The following SSBP3 variants were observed in gnomAD, a reference collection of about 807,000 sequenced individuals.
SSBP3 encodes the protein single-stranded DNA-binding protein 3.
Under a neutral mutation model 69.6 loss-of-function variants are expected in SSBP3, and 5 were observed. The observed-to-expected ratio is 0.07, with a 90% confidence interval of 0.04 to 0.15. The LOEUF (loss-of-function observed/expected upper bound fraction) is 0.15, where lower values mean the gene tolerates loss of function less well. SSBP3 is among the 10% of genes least tolerant of loss of function. SSBP3 has a pLI of 1.00. For synonymous variants in SSBP3, 196 were observed against 193.4 expected (o/e 1.01, Z -0.11); for missense variants, 312 against 534.0 (o/e 0.58, Z 4.10).
At chr1:54,255,660 T>A (rs1644908543) in intron 7 of SSBP3, 1 of 152,190 alleles carries the variant, frequency 6.6e-6, no homozygotes, top group African/African-American at 2.4e-5. Context: ...GCTGGGTCTC[T>A]AATTCCTCTT....
intron 4 of SSBP3, among the ~76,000 whole-genome samples, chr1:54,339,510 G>C (rs1453288604): frequency 6.6e-6 from 1 of 152,160 alleles, no homozygotes; most frequent in Non-Finnish European, 1.5e-5. Flanking sequence ...GGCTCTTGCG[G>C]AGTTCATGAA....
intron 4 of SSBP3, among the ~76,000 whole-genome samples, chr1:54,334,068 A>G (rs1557540941): frequency 1.3e-5 from 2 of 151,932 alleles, no homozygotes; most frequent in Admixed American, 6.6e-5. Context: ...AAATAAATAA[A>G]ATAGGCCTGG....
chr1:54,272,680 C>A (rs566689106), intron 5 of SSBP3, among the ~76,000 whole-genome samples: 1 of 152,188 alleles, frequency 6.6e-6, no homozygotes, highest in Non-Finnish European at 1.5e-5. Flanking sequence ...GGAGCAGCCA[C>A]GGTACAGTGC....
At chr1:54,386,607 C>T (rs1648097542) in intron 4 of SSBP3, among the ~76,000 whole-genome samples, 1 of 151,332 alleles carries the variant, frequency 6.6e-6, no homozygotes, top group Non-Finnish European at 1.5e-5. Flanking sequence ...GGATTTGCCC[C>T]ATCTTCAAAC....
At chr1:54,406,055 C>CGCCGCT (rs2100838249) in exon 1 of SSBP3, 2 of 1,380,958 alleles carry the variant, frequency 1.4e-6, no homozygotes, top group Non-Finnish European at 1.9e-6. Context: ...CCGCCGCCGC[C>CGCCGCT]GCCGCTACCG....
At chr1:54,295,072 G>A (rs1420105403) in intron 4 of SSBP3, among the ~76,000 whole-genome samples, 1 of 152,092 alleles carries the variant, frequency 6.6e-6, no homozygotes, top group Non-Finnish European at 1.5e-5. Flanking sequence ...GCTCATGCGG[G>A]AGGAATCCAT....
rs2297028 is a variant in SSBP3, at chr1:54,241,409, C to T, written c.801+65G>A. On this transcript the variant is annotated intron_variant, in intron 12 of 17. Coordinates refer to ENST00000610401, the Ensembl canonical transcript of SSBP3. ...AAGGGAAAGAAACGGGGACCCCAGA[C>T]CAGTTCTCTTGCACACTCAGTCCCA... 357 of 1,559,020 alleles carry T rather than the reference C, an allele frequency of 2.3e-4. 2 individuals are homozygous for T. The East Asian group carries it at 7.9e-3, about 34-fold the overall frequency.
intron 4 of SSBP3, among the ~76,000 whole-genome samples, chr1:54,339,297 A>G (rs1373361367): frequency 6.6e-6 from 1 of 152,254 alleles, no homozygotes; most frequent in Non-Finnish European, 1.5e-5. Context: ...CTTATTGAGG[A>G]TAATTGATGC....
chr1:54,401,800 TAGAGA>T (rs1271186818), intron 4 of SSBP3, 56 bp downstream of exon 4: 1 of 1,430,470 alleles, frequency 7.0e-7, no homozygotes, highest in African/African-American at 1.4e-5. Flanking sequence ...CTTTTCGTAC[TAGAGA>T]AGTTAGAGCT....
At chr1:54,273,818 C>G (rs1339717288) in intron 5 of SSBP3, among the ~76,000 whole-genome samples, 2 of 152,218 alleles carry the variant, frequency 1.3e-5, no homozygotes, top group Non-Finnish European at 2.9e-5. Context: ...ATCACAGTAA[C>G]TAGAGGAGGG....
At chr1:54,261,185 G>A (rs1012527701) in intron 5 of SSBP3, among the ~76,000 whole-genome samples, 4 of 152,210 alleles carry the variant, frequency 2.6e-5, no homozygotes, top group East Asian at 1.9e-4. Flanking sequence ...CAGTCTCACG[G>A]GCAGAGATCC....
intron 4 of SSBP3, among the ~76,000 whole-genome samples, chr1:54,294,183 G>GAAAGA (rs1557504974): frequency 9.8e-6 from 1 of 101,904 alleles, no homozygotes; most frequent in Non-Finnish European, 2.0e-5. Flanking sequence ...AAGAAAGAAA[G>GAAAGA]AAAGAAAGAA....
intron 4 of SSBP3, among the ~76,000 whole-genome samples, chr1:54,384,588 A>G (rs1271808583): frequency 6.6e-6 from 1 of 152,230 alleles, no homozygotes; most frequent in Admixed American, 6.5e-5. Context: ...AAAAATAAAC[A>G]GGGTTCCCTG....
At chr1:54,337,451 G>C (rs1470122371) in intron 4 of SSBP3, among the ~76,000 whole-genome samples, 1 of 143,448 alleles carries the variant, frequency 7.0e-6, no homozygotes, top group Non-Finnish European at 1.5e-5. Context: ...GCAGCAAAAG[G>C]TTGGCTGAAC....
At position 54,286,237 on chromosome 1, in the gene SSBP3, A is replaced by G. The variant is rs1026891022; in HGVS notation, c.277-4710T>C. ...AATGCTTATCCACTTTTTGGACTCA[A>G]GAAAGCCAACTCAAACCACCCATGC... On this transcript the variant is annotated intron_variant, in intron 4 of 17. Coordinates refer to ENST00000610401, the Ensembl canonical transcript of SSBP3. 7 of 152,336 alleles carry G rather than the reference A, an allele frequency of 4.6e-5. 1 individual carries two copies. The highest frequency in any genetic ancestry group is 1.7e-4 in the African/African-American group (7 of 41,564). 9.4% of individuals were successfully genotyped at this position (152,336 alleles called of 1,614,324 possible).
chr1:54,333,026 A>C (rs1466131007), intron 4 of SSBP3, among the ~76,000 whole-genome samples: 2 of 152,092 alleles, frequency 1.3e-5, no homozygotes, highest in African/African-American at 4.8e-5. Context: ...AGGGCTTCCT[A>C]ATAGGGCCAG....
At chr1:54,388,040 C>T (rs1294178714) in intron 4 of SSBP3, among the ~76,000 whole-genome samples, 1 of 152,226 alleles carries the variant, frequency 6.6e-6, no homozygotes, top group Non-Finnish European at 1.5e-5. Context: ...AAATTCAACA[C>T]TACATGTCAC....
At chr1:54,375,222 G>A (rs138153452) in intron 4 of SSBP3, among the ~76,000 whole-genome samples, 22 of 152,310 alleles carry the variant, frequency 1.4e-4, no homozygotes, top group African/African-American at 5.3e-4. Flanking sequence ...TGACAGTGCT[G>A]AAAAGTCACC....
At chr1:54,355,384 C>CT (rs1646847040) in intron 4 of SSBP3, among the ~76,000 whole-genome samples, 1 of 152,242 alleles carries the variant, frequency 6.6e-6, no homozygotes, top group South Asian at 2.1e-4. Flanking sequence ...GGGTCTCACT[C>CT]TGTCGCCCAG....
Sources: allele counts gnomAD v4.1 joint callset (sites outside exome capture counted in the v4.1 genomes callset), GRCh38; gene constraint gnomAD v4.1.1; transcripts MANE v1.5; gene names NCBI Gene and HGNC (gene_info 2026-07-23, HGNC 2026-07-21).